The following TBC1D32 variants were observed in gnomAD, a reference collection of about 807,000 sequenced individuals.
TBC1D32 encodes the protein protein broad-minded.
In TBC1D32, 151 loss-of-function variants were observed where a neutral mutation model predicts 170.3. That is an observed-to-expected ratio of 0.89 (90% CI 0.78 to 1.01). The LOEUF (loss-of-function observed/expected upper bound fraction) is 1.01, where lower values mean the gene tolerates loss of function less well. Among genes scored for constraint, TBC1D32 ranks in the 50% least tolerant of loss-of-function variants. TBC1D32 has a pLI of 0.00. For missense variants in TBC1D32, 1,464 were observed against 1,457.1 expected (o/e 1.00, Z -0.08); for synonymous variants, 498 against 488.0 (o/e 1.02, Z -0.27).
intron 17 of TBC1D32, among the ~76,000 whole-genome samples, chr6:121,253,842 C>CT (rs1345496897): frequency 2.0e-5 from 3 of 152,088 alleles, no homozygotes; most frequent in Non-Finnish European, 2.9e-5. Flanking sequence ...CCTTAAAGAA[C>CT]TAAAAGTAGA....
chr6:121,115,331 T>C (rs1268571224), intron 26 of TBC1D32, 90 bp from the exon 27 acceptor site: 4 of 921,572 alleles, frequency 4.3e-6, no homozygotes, highest in Non-Finnish European at 6.2e-6. Flanking sequence ...GCAATATTTT[T>C]ACATATTTTA....
chr6:121,113,007 C>T lies in TBC1D32; in HGVS notation c.3169+55G>A, dbSNP rs17083186. The T allele has an allele frequency of 3.1e-6, 4 of 1,308,178 alleles. No individual in the cohort carries two copies. The East Asian group carries it at 9.4e-5, about 31-fold the overall frequency. The allele number at this position is 1,308,178 out of a possible 1,614,324, so 81.0% of individuals were successfully genotyped here. On this transcript the variant is annotated intron_variant, in intron 28 of 31. Transcript: ENST00000398212. Reference sequence around the variant, plus strand: ...GTGTCAAGGTATATCATCAAAGAATCATGAAAAATATGTGAAAAAAATTAA... The same window carrying T: ...GTGTCAAGGTATATCATCAAAGAATTATGAAAAATATGTGAAAAAAATTAA...
intron 24 of TBC1D32, among the ~76,000 whole-genome samples, chr6:121,153,377 G>T (rs1312409320): frequency 6.6e-6 from 1 of 152,174 alleles, no homozygotes; most frequent in Non-Finnish European, 1.5e-5. Flanking sequence ...CTTCGTCCCA[G>T]AGGGGCACCC....
intron 22 of TBC1D32, among the ~76,000 whole-genome samples, chr6:121,184,165 T>A (rs6569178): frequency 0.73 from 111,187 of 151,952 alleles, 43,778 homozygotes; most frequent in Non-Finnish European, 0.89. Flanking sequence ...GGACAATGTA[T>A]CTTTACCATT....
At chr6:121,205,944 G>A (rs931928273) in intron 21 of TBC1D32, among the ~76,000 whole-genome samples, 6 of 152,036 alleles carry the variant, frequency 3.9e-5, no homozygotes, top group Admixed American at 1.3e-4. Flanking sequence ...AGGTGTGGTC[G>A]CTCATGCCTG....
At chr6:121,100,958 A>C (rs1352394121) in intron 30 of TBC1D32, among the ~76,000 whole-genome samples, 3 of 151,830 alleles carry the variant, frequency 2.0e-5, no homozygotes, top group African/African-American at 4.8e-5. Flanking sequence ...ACTATAAACA[A>C]CTCTATACAA....
At chr6:121,312,807 A>G (rs1423358390) in intron 3 of TBC1D32, among the ~76,000 whole-genome samples, 1 of 152,228 alleles carries the variant, frequency 6.6e-6, no homozygotes, top group Non-Finnish European at 1.5e-5. Flanking sequence ...GCCCACTTGC[A>G]TGTAGACACA....
chr6:121,242,279 T>C lies in TBC1D32; in HGVS notation c.2079A>G (p.Gly693=). The change falls in exon 18 of 32, where the codon GGA becomes GGG. Residue 693 remains glycine (G), a synonymous_variant. Transcript: ENST00000398212. ...DLLHFAATPK[G]LLLLQRTGAI... is the part of the protein sequence containing the mutation. The stretch of plus-strand genomic sequence containing the variant: ...CACCTGTTCTTTGAAGAAGTAGTAA[T>C]CCTTTGGGGGTGGCAGCAAAATGTA... 1 of 1,612,926 alleles carries C rather than the reference T, an allele frequency of 6.2e-7. No individual in the cohort carries two copies. The highest frequency in any genetic ancestry group is 8.5e-7 in the Non-Finnish European group (1 of 1,179,338).
intron 24 of TBC1D32, among the ~76,000 whole-genome samples, chr6:121,136,463 G>C (rs1336101864): frequency 6.6e-6 from 1 of 152,186 alleles, no homozygotes; most frequent in Non-Finnish European, 1.5e-5. Context: ...ACTGAGAAGA[G>C]AGAGGGAGAG....
chr6:121,114,312 A>C (rs574035776), intron 27 of TBC1D32, among the ~76,000 whole-genome samples: 2 of 152,354 alleles, frequency 1.3e-5, no homozygotes, highest in Non-Finnish European at 2.9e-5. Context: ...ATACTGTAAT[A>C]TATTCAAACA....
At chr6:121,231,766 C>T (rs117552213) in intron 20 of TBC1D32, among the ~76,000 whole-genome samples, 3,668 of 151,822 alleles carry the variant, frequency 0.024, 165 homozygotes, top group East Asian at 0.12. Context: ...GATATGGTTG[C>T]TTGTGTTTTT....
At chr6:121,332,859 G>T (rs535532399) in intron 1 of TBC1D32, among the ~76,000 whole-genome samples, 1 of 151,960 alleles carries the variant, frequency 6.6e-6, no homozygotes, top group Non-Finnish European at 1.5e-5. Context: ...AATTTAATGA[G>T]AAAATAAACA....
intron 1 of TBC1D32, among the ~76,000 whole-genome samples, chr6:121,331,645 G>A (rs1180445280): frequency 3.3e-5 from 5 of 152,084 alleles, no homozygotes; most frequent in Non-Finnish European, 7.4e-5. Context: ...TAAACACTTT[G>A]GAAAGGAAGA....
At chr6:121,221,723 G>A (rs1794547522) in intron 21 of TBC1D32, among the ~76,000 whole-genome samples, 1 of 152,200 alleles carries the variant, frequency 6.6e-6, no homozygotes, top group African/African-American at 2.4e-5. Context: ...TGACTGAATT[G>A]CTGCAATCTT....
intron 22 of TBC1D32, among the ~76,000 whole-genome samples, chr6:121,197,982 C>T (rs746516497): frequency 1.3e-4 from 19 of 151,800 alleles, no homozygotes; most frequent in Admixed American, 3.9e-4. Context: ...CTGGCCTAGC[C>T]TCCCAGCCTA....
chr6:121,319,327 A>T (rs1809367779), intron 2 of TBC1D32, among the ~76,000 whole-genome samples: 1 of 152,250 alleles, frequency 6.6e-6, no homozygotes, highest in East Asian at 1.9e-4. Context: ...AATAATTTGC[A>T]AAGTATATAT....
chr6:121,103,297 C>T (rs540700870), intron 30 of TBC1D32, among the ~76,000 whole-genome samples: 36 of 151,862 alleles, frequency 2.4e-4, no homozygotes, highest in African/African-American at 7.7e-4. Context: ...ATGTTTATAG[C>T]GACACTATTC....
At chr6:121,307,802 A>T (rs1015363136) in intron 5 of TBC1D32, among the ~76,000 whole-genome samples, 174 bp downstream of exon 5, 3 of 152,164 alleles carry the variant, frequency 2.0e-5, no homozygotes, top group Non-Finnish European at 4.4e-5. Flanking sequence ...GCAGAGGTTA[A>T]AGTGAGCCAA....
At chr6:121,299,075 C>T (rs1184657710) in intron 10 of TBC1D32, among the ~76,000 whole-genome samples, 2 of 151,946 alleles carry the variant, frequency 1.3e-5, no homozygotes, top group Non-Finnish European at 2.9e-5. Flanking sequence ...TGAGTTTTTC[C>T]ATGTAATTTT....
Sources: allele counts gnomAD v4.1 joint callset (sites outside exome capture counted in the v4.1 genomes callset), GRCh38; gene constraint gnomAD v4.1.1; transcripts MANE v1.5; gene names NCBI Gene and HGNC (gene_info 2026-07-23, HGNC 2026-07-21).